The following ZNF891 variants were observed in gnomAD, a reference collection of about 807,000 sequenced individuals.
The protein encoded by ZNF891 is zinc finger protein 891.
For missense variants in ZNF891, 589 were observed against 632.7 expected, an observed-to-expected ratio of 0.93 and a Z score of 0.74; for synonymous variants, 199 against 209.0, an observed-to-expected ratio of 0.95 and a Z score of 0.41.
Position 133,105,879 on chromosome 12 carries a change from T to G in ZNF891, c.*14405A>C. 1 of 1,614,088 alleles carries G rather than the reference T, an allele frequency of 6.2e-7. No homozygotes were observed. The highest frequency in any genetic ancestry group is 1.1e-5 in the South Asian group (1 of 91,076). ...GAATGTGGCAAAACCTTTAGCCAGA[T>G]TTCAAACCTTGTGAAACACCAAATG... On this transcript the variant is annotated 3_prime_UTR_variant, in exon 2 of 2. Transcript: ENST00000537226.
At chr12:133,123,008 G>A (rs539906488) in intron 1 of ZNF891, among the ~76,000 whole-genome samples, 1 of 152,244 alleles carries the variant, frequency 6.6e-6, no homozygotes, top group East Asian at 1.9e-4. Context: ...GGGACTTTAA[G>A]GATCATGACA....
rs997154714 is a variant in ZNF891 at position 133,109,210 on chromosome 12, G to A, written c.*11074C>T. The A allele has an allele frequency of 1.3e-5, 2 of 152,178 alleles. No individual in the cohort carries two copies. Among genetic ancestry groups the A allele is most frequent in the African/African-American group, 4.8e-5 (2 of 41,434 alleles). 9.4% of individuals were successfully genotyped at this position (152,178 alleles called of 1,614,324 possible). On this transcript the variant is annotated 3_prime_UTR_variant, in exon 2 of 2. Coordinates refer to ENST00000537226, the MANE Select transcript of ZNF891 (RefSeq NM_001277291.2). The stretch of plus-strand genomic sequence containing the variant: ...AGGGTATTAAGAAATACATTGGTGA[G>A]GAGTTTACCACCATCCTTGGACAAC...
intron 1 of ZNF891, among the ~76,000 whole-genome samples, chr12:133,127,461 C>T (rs1299009584): frequency 6.6e-6 from 1 of 152,202 alleles, no homozygotes; most frequent in East Asian, 1.9e-4. Flanking sequence ...AACACTGCTC[C>T]ATTTCCTATC....
Position 133,116,708 on chromosome 12 carries a change from G to A in ZNF891, c.*3576C>T, listed in dbSNP as rs1487130011. 1 of 152,206 alleles carries A rather than the reference G, an allele frequency of 6.6e-6. No homozygotes were observed. The highest frequency in any genetic ancestry group is 2.4e-5 in the African/African-American group (1 of 41,414). The allele number at this position is 152,206 out of a possible 1,614,324, so 9.4% of individuals were successfully genotyped here. A position where few individuals can be genotyped will look rare whatever the true frequency, so the allele number is the denominator to read the frequency against. On this transcript the variant is annotated 3_prime_UTR_variant, in exon 2 of 2. Transcript: ENST00000537226. Reference sequence around the variant, plus strand: ...GAAACCCTAAACCCCTGCCCTTCTGGAGACTCTTTCATGGTGCCCTCTGAG... The same window carrying A: ...GAAACCCTAAACCCCTGCCCTTCTGAAGACTCTTTCATGGTGCCCTCTGAG...
Position 133,121,060 on chromosome 12 carries a change from A to G in ZNF891, c.859T>C (p.Leu287=), listed in dbSNP as rs1234858333. ...TCACAGGCATTCTGTGCCATATGCA[A>G]ATTGTTAGGTACAGGAAACATATTA... ...THNMFPVPNN[L]HMAQNACECN... Residue 287 remains leucine (L), a synonymous_variant, in exon 2 of 2, where the codon TTG becomes CTG. Transcript: ENST00000537226. The G allele has an allele frequency of 6.5e-7, 1 of 1,535,642 alleles. No individual in the cohort carries two copies. The highest frequency in any genetic ancestry group is 8.7e-7 in the Non-Finnish European group (1 of 1,146,870).
In ZNF891 at chr12:133,105,887, C is replaced by T. The variant is rs1566325045; in HGVS notation, c.*14397G>A. On this transcript the variant is annotated 3_prime_UTR_variant, in exon 2 of 2. Transcript: ENST00000537226. ...CAAAACCTTTAGCCAGATTTCAAACCTTGTGAAACACCAAATGATACATAC... is the reference window on the plus strand; with the variant it reads ...CAAAACCTTTAGCCAGATTTCAAACTTTGTGAAACACCAAATGATACATAC... The T allele has an allele frequency of 3.1e-6, 5 of 1,614,128 alleles. No homozygotes were observed. In the Admixed American group the frequency reaches 5.0e-5, roughly 16 times the overall value.
chr12:133,114,195 G>A lies in ZNF891; in HGVS notation c.*6089C>T, dbSNP rs1955703228. 1 of 152,238 alleles carries A rather than the reference G, an allele frequency of 6.6e-6. No homozygotes were observed. Among genetic ancestry groups the A allele is most frequent in the Admixed American group, 6.5e-5 (1 of 15,276 alleles). The allele number at this position is 152,238 out of a possible 1,614,324, so 9.4% of individuals were successfully genotyped here. ...TGAATGGGGTGGTGGTGAGTGGGAT[G>A]AGGGAAGAGAGGAGAAGGACTAGGA... On this transcript the variant is annotated 3_prime_UTR_variant, in exon 2 of 2. Coordinates refer to ENST00000537226, the MANE Select transcript of ZNF891 (RefSeq NM_001277291.2).
chr12:133,121,391 T>C lies in ZNF891; in HGVS notation c.528A>G (p.Ile176Met), dbSNP rs1955758120. The C allele has an allele frequency of 2.0e-6, 3 of 1,536,154 alleles. No homozygotes were observed. The highest frequency in any genetic ancestry group is 1.7e-6 in the Non-Finnish European group (2 of 1,146,904). The stretch of plus-strand genomic sequence containing the variant: ...GAGGTACTGTTTTCTTTGGGGCATA[T>C]ATCATTTGCCTCCAATGTCCCCCTG... Reference protein sequence around the residue: ...KIPGGHWRQMIYAPKKTVPQE... With the variant: ...KIPGGHWRQMMYAPKKTVPQE... The change falls in exon 2 of 2, where the codon ATA (isoleucine) becomes ATG (methionine). Residue 176 changes from isoleucine to methionine, a missense_variant. Coordinates refer to ENST00000537226, the MANE Select transcript of ZNF891 (RefSeq NM_001277291.2).
In ZNF891 at chr12:133,121,093, A is replaced by G; in HGVS notation, c.826T>C (p.Phe276Leu). Reference sequence around the variant, plus strand: ...GGTACAGGAAACATATTATGTGTGAAGTGCATTCCATGTTTAGAATATGTG... The same window carrying G: ...GGTACAGGAAACATATTATGTGTGAGGTGCATTCCATGTTTAGAATATGTG... The part of the protein sequence containing the change: ...EYTYSKHGMH[F>L]THNMFPVPNN... The change falls in exon 2 of 2, where the codon TTC becomes CTC. Residue 276 changes from phenylalanine (F) to leucine (L), a missense_variant. Phe to Leu is a conservative substitution (Grantham distance 22). Coordinates refer to ENST00000537226, the MANE Select transcript of ZNF891 (RefSeq NM_001277291.2). 3 of 1,535,528 alleles carry G rather than the reference A, an allele frequency of 2.0e-6. No individual in the cohort carries two copies. Among genetic ancestry groups the G allele is most frequent in the Non-Finnish European group, 2.6e-6 (3 of 1,146,770 alleles).
rs1284363311 is a variant in ZNF891, at chr12:133,116,331, C to T, written c.*3953G>A. ...ATGTTAGCCAGGATGGTCTCAATCTCCTGACCTCGTGATCCGCCTGCCTCG... is the reference window on the plus strand; with the variant it reads ...ATGTTAGCCAGGATGGTCTCAATCTTCTGACCTCGTGATCCGCCTGCCTCG... On this transcript the variant is annotated 3_prime_UTR_variant, in exon 2 of 2. Transcript: ENST00000537226. 1.3e-5 allele frequency: 2 copies of T among 152,232 alleles called. No homozygotes were observed. The highest frequency in any genetic ancestry group is 2.9e-5 in the Non-Finnish European group (2 of 68,160). 9.4% of individuals were successfully genotyped at this position (152,232 alleles called of 1,614,324 possible). A position where few individuals can be genotyped will look rare whatever the true frequency, so the allele number is the denominator to read the frequency against.
At chr12:133,124,719 TGCTAAAGACTGAGAGCAATATAAAAG>T (rs1955798059) in intron 1 of ZNF891, among the ~76,000 whole-genome samples, 1 of 145,642 alleles carries the variant, frequency 6.9e-6, no homozygotes, top group South Asian at 2.2e-4. Flanking sequence ...TTCAATCGTA[TGCTAAAGACTGAGAGCAATATAAAAG>T]GCCTTTTATA....
In ZNF891 at chr12:133,121,057, G is replaced by A; in HGVS notation, c.862C>T (p.His288Tyr). Residue 288 changes from histidine to tyrosine, a missense_variant, in exon 2 of 2, where the codon CAT (histidine) becomes TAT (tyrosine). Transcript: ENST00000537226. ...CATTCACAGGCATTCTGTGCCATAT[G>A]CAAATTGTTAGGTACAGGAAACATA... ...HNMFPVPNNL[H>Y]MAQNACECNK... 6.5e-7 allele frequency: 1 copy of A among 1,535,624 alleles called. No individual in the cohort carries two copies.
At position 133,119,201 on chromosome 12, in the gene ZNF891, C is replaced by G. The variant is rs111462894; in HGVS notation, c.*1083G>C. On this transcript the variant is annotated 3_prime_UTR_variant, in exon 2 of 2. Transcript: ENST00000537226. ...CACCACTGCATTCTAGCCTGAGAGA[C>G]AGAGACTCTGTCTGAAAAATTGAAA... is the stretch of plus-strand genomic sequence containing the variant. The G allele has an allele frequency of 0.037, 5,543 of 150,936 alleles. 158 individuals are homozygous for G. Among genetic ancestry groups the G allele is most frequent in the South Asian group, 0.11 (533 of 4,762 alleles). 9.3% of individuals were successfully genotyped at this position (150,936 alleles called of 1,614,324 possible).
chr12:133,127,453 C>T (rs900549690), intron 1 of ZNF891, among the ~76,000 whole-genome samples: 1 of 152,200 alleles, frequency 6.6e-6, no homozygotes, highest in African/African-American at 2.4e-5. Flanking sequence ...GTAACAGTAA[C>T]ACTGCTCCAT....
At position 133,121,406 on chromosome 12, in the gene ZNF891, A is replaced by G. The variant is rs941205534; in HGVS notation, c.513T>C (p.His171=). 4.2e-5 allele frequency: 64 copies of G among 1,535,972 alleles called. No homozygotes were observed. The East Asian group carries it at 1.5e-3, about 36-fold the overall frequency. ...IRKQHKIPGG[H]WRQMIYAPKK... ...TTGGGGCATATATCATTTGCCTCCA[A>G]TGTCCCCCTGGAATCTTATGCTGTT... Residue 171 remains histidine (H), a synonymous_variant, in exon 2 of 2, where the codon CAT becomes CAC. Coordinates refer to ENST00000537226, the MANE Select transcript of ZNF891 (RefSeq NM_001277291.2).
Position 133,106,707 on chromosome 12 carries a change from A to G in ZNF891, c.*13577T>C. The G allele has an allele frequency of 7.0e-6, 10 of 1,427,024 alleles. No individual in the cohort carries two copies. The highest frequency in any genetic ancestry group is 1.4e-5 in the South Asian group (1 of 71,838). The allele number at this position is 1,427,024 out of a possible 1,614,324, so 88.4% of individuals were successfully genotyped here. ...ATGGAATTTTTTAAAAAGAAGTATA[A>G]TGCCTTACTTCAGAGAACTCTTGGA... On this transcript the variant is annotated 3_prime_UTR_variant, in exon 2 of 2. Coordinates refer to ENST00000537226, the MANE Select transcript of ZNF891 (RefSeq NM_001277291.2).
intron 1 of ZNF891, among the ~76,000 whole-genome samples, chr12:133,123,759 C>CAAAG (rs56136467): frequency 0.43 from 63,903 of 148,070 alleles, 15,455 homozygotes; most frequent in Non-Finnish European, 0.56. Flanking sequence ...ACAACAACAA[C>CAAAG]AAAGTTAGGC....
chr12:133,122,254 G>A (rs56991082), intron 1 of ZNF891: 2 of 1,021,040 alleles, frequency 2.0e-6, no homozygotes, highest in South Asian at 4.5e-5. Context: ...ACCACTTTGA[G>A]CTCTGGGTGA....
rs903017238 is a variant in ZNF891, at chr12:133,117,631, A to G, written c.*2653T>C. 1.3e-5 allele frequency: 2 copies of G among 152,228 alleles called. No individual in the cohort carries two copies. Among genetic ancestry groups the G allele is most frequent in the African/African-American group, 4.8e-5 (2 of 41,460 alleles). The allele number at this position is 152,228 out of a possible 1,614,324, so 9.4% of individuals were successfully genotyped here. A position where few individuals can be genotyped will look rare whatever the true frequency, so the allele number is the denominator to read the frequency against. ...ATTATGCTGCATATTAAACCTCACC[A>G]TACTACATTCATCACATTAGAATTC... On this transcript the variant is annotated 3_prime_UTR_variant, in exon 2 of 2. Coordinates refer to ENST00000537226, the MANE Select transcript of ZNF891 (RefSeq NM_001277291.2).
Sources: allele counts gnomAD v4.1 joint callset (sites outside exome capture counted in the v4.1 genomes callset), GRCh38; gene constraint gnomAD v4.1.1; transcripts MANE v1.5; gene names NCBI Gene and HGNC (gene_info 2026-07-23, HGNC 2026-07-21).